Variants in ARB2A observed in about 807,000 individuals in gnomAD.
ARB2A encodes ARB2 cotranscriptional regulator A.
At chr5:94,022,581 T>A in the ARB2A span, among the ~76,000 whole-genome samples, 1 of 152,108 alleles carries the variant, frequency 6.6e-6, no homozygotes, top group African/African-American at 2.4e-5. Flanking sequence ...CAAAACACAA[T>A]AAAAGGTTTG....
the ARB2A span, among the ~76,000 whole-genome samples, chr5:93,642,074 A>AG: frequency 2.2e-4 from 34 of 151,956 alleles, no homozygotes; most frequent in Admixed American, 3.9e-4. Context: ...TCCATCACCC[A>AG]GGCCCAAGTG....
the ARB2A span, among the ~76,000 whole-genome samples, chr5:93,657,847 C>A: frequency 6.6e-6 from 1 of 152,154 alleles, no homozygotes; most frequent in Non-Finnish European, 1.5e-5. Context: ...ATTCAATCCC[C>A]AGGCTGTATT....
At chr5:93,723,587 A>G in the ARB2A span, among the ~76,000 whole-genome samples, 2 of 152,124 alleles carry the variant, frequency 1.3e-5, no homozygotes, top group African/African-American at 2.4e-5. Flanking sequence ...CTAGAACTTT[A>G]GAATGGTTTA....
chr5:93,679,597 A>G, the ARB2A span, among the ~76,000 whole-genome samples: 2 of 152,140 alleles, frequency 1.3e-5, no homozygotes, highest in Non-Finnish European at 2.9e-5. Flanking sequence ...CCACAAAAAT[A>G]GCTTAAGTTT....
At chr5:94,082,133 G>A in the ARB2A span, among the ~76,000 whole-genome samples, 6 of 152,274 alleles carry the variant, frequency 3.9e-5, no homozygotes, top group African/African-American at 1.4e-4. Context: ...GCTTGTTCTA[G>A]TTCTCTGCAT....
At chr5:93,963,634 C>T in the ARB2A span, among the ~76,000 whole-genome samples, 2 of 151,840 alleles carry the variant, frequency 1.3e-5, no homozygotes, top group Non-Finnish European at 2.9e-5. Flanking sequence ...TTTTAAAACT[C>T]GTGCAACATT....
At chr5:93,852,549 T>C in the ARB2A span, among the ~76,000 whole-genome samples, 1 of 152,178 alleles carries the variant, frequency 6.6e-6, no homozygotes, top group Non-Finnish European at 1.5e-5. Context: ...TCCTGAATGG[T>C]AATGCCTAGG....
chr5:94,075,540 C>A, the ARB2A span, among the ~76,000 whole-genome samples: 2 of 152,004 alleles, frequency 1.3e-5, no homozygotes, highest in African/African-American at 4.8e-5. Flanking sequence ...AAGTGTATCT[C>A]CTACAATGTG....
the ARB2A span, among the ~76,000 whole-genome samples, chr5:93,946,029 C>A: frequency 6.6e-6 from 1 of 152,056 alleles, no homozygotes; most frequent in South Asian, 2.1e-4. Context: ...ACCTGGAATT[C>A]TATGTCTTTT....
the ARB2A span, among the ~76,000 whole-genome samples, chr5:93,828,177 T>C: frequency 6.6e-6 from 1 of 152,196 alleles, no homozygotes; most frequent in African/African-American, 2.4e-5. Flanking sequence ...ATAAATTACC[T>C]TGGGCAGTAT....
the ARB2A span, among the ~76,000 whole-genome samples, chr5:93,802,963 A>T: frequency 6.6e-6 from 1 of 152,112 alleles, no homozygotes; most frequent in South Asian, 2.1e-4. Context: ...TCCAGAAGGA[A>T]ATAAAATGTA....
chr5:93,828,708 G>T, the ARB2A span, among the ~76,000 whole-genome samples: 1 of 152,144 alleles, frequency 6.6e-6, no homozygotes, highest in Non-Finnish European at 1.5e-5. Flanking sequence ...ATGTTGCCAA[G>T]TTACTCACTC....
chr5:93,653,154 TGA>T, the ARB2A span, among the ~76,000 whole-genome samples: 1 of 151,930 alleles, frequency 6.6e-6, no homozygotes, highest in East Asian at 1.9e-4. Context: ...GTTTGAAAAA[TGA>T]GAGTGAGGAT....
the ARB2A span, among the ~76,000 whole-genome samples, chr5:93,893,376 A>G: frequency 6.6e-6 from 1 of 152,172 alleles, no homozygotes; most frequent in Non-Finnish European, 1.5e-5. Context: ...ATACACACAT[A>G]CAATTACTGA....
the ARB2A span, among the ~76,000 whole-genome samples, chr5:93,808,407 A>AC: frequency 6.6e-6 from 1 of 151,652 alleles, no homozygotes; most frequent in African/African-American, 2.4e-5. Context: ...AATCTAAAAA[A>AC]AAAAAAAACC....
the ARB2A span, chr5:93,683,617 T>C: frequency 6.6e-7 from 1 of 1,513,196 alleles, no homozygotes; most frequent in South Asian, 1.1e-5. Context: ...TTCATCATTA[T>C]CCACCTTAAA....
chr5:93,921,306 C>A, the ARB2A span, among the ~76,000 whole-genome samples: 1 of 151,900 alleles, frequency 6.6e-6, no homozygotes. Context: ...ATAAGAAAGA[C>A]ATACCTATAG....
chr5:93,776,123 A>T, the ARB2A span: 947 of 1,511,262 alleles, frequency 6.3e-4, 1 homozygote, highest in Admixed American at 1.0e-3. Context: ...ACCCTGAAAA[A>T]CAACAGCAAT....
chr5:93,642,443 C>T, the ARB2A span, among the ~76,000 whole-genome samples: 4 of 152,118 alleles, frequency 2.6e-5, no homozygotes, highest in African/African-American at 9.7e-5. Context: ...ATGATCTCAG[C>T]TTACTGCAAC....
Sources: allele counts gnomAD v4.1 joint callset (sites outside exome capture counted in the v4.1 genomes callset), GRCh38; gene constraint gnomAD v4.1.1; transcripts MANE v1.5; gene names NCBI Gene and HGNC (gene_info 2026-07-23, HGNC 2026-07-21).